Variants in SCFD2 observed in about 807,000 individuals in gnomAD.
SCFD2 encodes sec1 family domain-containing protein 2.
Under a neutral mutation model 58.9 loss-of-function variants are expected in SCFD2, and 54 were observed. The ratio of observed to expected loss-of-function variants is 0.92; its 90% CI spans 0.74 to 1.15. SCFD2 has a LOEUF of 1.15. Ranked by LOEUF, SCFD2 falls within the 50% of genes most tolerant of loss-of-function variation. The pLI is 0.00. For missense variants in SCFD2, 805 were observed against 836.6 expected (o/e 0.96, Z 0.47); for synonymous variants, 321 against 335.9 (o/e 0.96, Z 0.49).
intron 7 of SCFD2, among the ~76,000 whole-genome samples, chr4:52,886,253 T>C (rs1239342071): frequency 6.6e-6 from 1 of 152,168 alleles, no homozygotes; most frequent in Admixed American, 6.5e-5. Flanking sequence ...CCAATCAGCA[T>C]GCACTCCCCA....
At chr4:52,899,076 A>C (rs1168891655) in intron 7 of SCFD2, among the ~76,000 whole-genome samples, 1 of 152,216 alleles carries the variant, frequency 6.6e-6, no homozygotes, top group Non-Finnish European at 1.5e-5. Context: ...TGAATACAGC[A>C]CACTGATGGG....
chr4:53,290,988 G>A (rs1448446932), intron 3 of SCFD2, among the ~76,000 whole-genome samples: 2 of 152,056 alleles, frequency 1.3e-5, no homozygotes, highest in Non-Finnish European at 2.9e-5. Context: ...CCCAGAACCA[G>A]ACGGCTTCAT....
intron 5 of SCFD2, among the ~76,000 whole-genome samples, chr4:52,936,386 C>G (rs1720139209): frequency 6.6e-6 from 1 of 152,118 alleles, no homozygotes; most frequent in South Asian, 2.1e-4. Context: ...TATGTCTGAA[C>G]AAGGTTAACA....
At chr4:53,123,148 T>C (rs1182454626) in intron 5 of SCFD2, among the ~76,000 whole-genome samples, 1 of 152,198 alleles carries the variant, frequency 6.6e-6, no homozygotes, top group Admixed American at 6.5e-5. Flanking sequence ...TATTTACAGT[T>C]TTCATTTTCA....
intron 2 of SCFD2, among the ~76,000 whole-genome samples, chr4:53,321,575 C>G (rs1236858257): frequency 2.6e-5 from 4 of 152,042 alleles, no homozygotes; most frequent in Admixed American, 6.6e-5. Context: ...AACAAAAAAC[C>G]CAAACAATTT....
At chr4:53,315,314 C>T (rs1577960888) in intron 2 of SCFD2, among the ~76,000 whole-genome samples, 1 of 149,362 alleles carries the variant, frequency 6.7e-6, no homozygotes, top group Non-Finnish European at 1.5e-5. Context: ...GAAAGAAGGA[C>T]ATTTCAGAAT....
intron 4 of SCFD2, among the ~76,000 whole-genome samples, chr4:53,232,026 CA>C (rs1031420759): frequency 1.1e-4 from 17 of 151,982 alleles, no homozygotes; most frequent in African/African-American, 3.4e-4. Context: ...ATCATATATT[CA>C]ATAAGACAGA....
chr4:53,142,349 T>C (rs1218012281), intron 5 of SCFD2, among the ~76,000 whole-genome samples: 1 of 152,222 alleles, frequency 6.6e-6, no homozygotes, highest in Non-Finnish European at 1.5e-5. Flanking sequence ...AGAATTGTTA[T>C]TCAATTGTTA....
At chr4:53,238,375 C>A (rs1486827187) in intron 4 of SCFD2, among the ~76,000 whole-genome samples, 1 of 135,426 alleles carries the variant, frequency 7.4e-6, no homozygotes, top group South Asian at 2.5e-4. Context: ...ACCTCCCTCC[C>A]GGACAGGGCG....
chr4:53,025,187 T>C (rs1722443756), intron 5 of SCFD2, among the ~76,000 whole-genome samples: 1 of 152,166 alleles, frequency 6.6e-6, no homozygotes, highest in African/African-American at 2.4e-5. Context: ...GAAACAGAAA[T>C]CTATACTTGG....
At chr4:53,350,635 C>T (rs1479491051) in intron 2 of SCFD2, among the ~76,000 whole-genome samples, 1 of 152,184 alleles carries the variant, frequency 6.6e-6, no homozygotes, top group East Asian at 1.9e-4. Flanking sequence ...CTCTTTAAAT[C>T]TATTCAAGAG....
chr4:52,920,074 T>C (rs1364813550), intron 6 of SCFD2, among the ~76,000 whole-genome samples: 1 of 152,208 alleles, frequency 6.6e-6, no homozygotes, highest in Non-Finnish European at 1.5e-5. Flanking sequence ...CAACAAAGAC[T>C]CCCCAGCCTC....
At chr4:53,020,794 T>A (rs1431766590) in intron 5 of SCFD2, among the ~76,000 whole-genome samples, 4 of 152,196 alleles carry the variant, frequency 2.6e-5, no homozygotes, top group Non-Finnish European at 5.9e-5. Flanking sequence ...AACCATGGAT[T>A]AAACAAGATG....
At chr4:53,210,324 A>G (rs1238956190) in intron 4 of SCFD2, among the ~76,000 whole-genome samples, 1 of 152,128 alleles carries the variant, frequency 6.6e-6, no homozygotes, top group African/African-American at 2.4e-5. Flanking sequence ...GTAGGCCAAT[A>G]GTTCTCAAAC....
chr4:53,271,435 C>CTGTATTTA (rs375832964), intron 4 of SCFD2, among the ~76,000 whole-genome samples: 53 of 139,504 alleles, frequency 3.8e-4, no homozygotes, highest in African/African-American at 1.4e-3. Context: ...ACATACATCA[C>CTGTATTTA]TTTATTTATT....
chr4:53,108,942 A>C (rs77487177), intron 5 of SCFD2, among the ~76,000 whole-genome samples: 3 of 152,208 alleles, frequency 2.0e-5, no homozygotes, highest in Admixed American at 6.5e-5. Context: ...AATATCCCTG[A>C]TGAACATCGA....
intron 5 of SCFD2, among the ~76,000 whole-genome samples, chr4:52,970,463 C>A (rs1257365902): frequency 6.6e-6 from 1 of 152,200 alleles, no homozygotes; most frequent in Non-Finnish European, 1.5e-5. Context: ...GGCAGCGAGG[C>A]TCGGGGAGGG....
At chr4:53,075,687 A>G (rs1026837694) in intron 5 of SCFD2, among the ~76,000 whole-genome samples, 1 of 152,196 alleles carries the variant, frequency 6.6e-6, no homozygotes, top group Non-Finnish European at 1.5e-5. Flanking sequence ...GGAACAGCCA[A>G]TTGGTGGAGC....
At chr4:52,979,709 A>G (rs1333140247) in intron 5 of SCFD2, among the ~76,000 whole-genome samples, 1 of 152,202 alleles carries the variant, frequency 6.6e-6, no homozygotes, top group East Asian at 1.9e-4. Context: ...TAATAGGACA[A>G]AATCACTAAT....
Sources: gnomAD v4.1 joint callset for allele counts (sites outside exome capture counted in the v4.1 genomes callset) on GRCh38, gnomAD v4.1.1 for gene constraint, MANE v1.5 for transcripts, NCBI Gene and HGNC (gene_info 2026-07-23, HGNC 2026-07-21) for gene names.